PVT1: variants seen among roughly 807,000 people sequenced by gnomAD.
The protein encoded by PVT1 is CXCR4/PVT1 fusion.
intron 3 of PVT1, among the ~76,000 whole-genome samples, chr8:127,950,020 G>T (rs1338208098): frequency 6.6e-6 from 1 of 152,254 alleles, no homozygotes; most frequent in Non-Finnish European, 1.5e-5. Flanking sequence ...TGTGCCAGAG[G>T]ACGGGAGTTT....
At chr8:127,990,647 A>G (rs1427102815) in intron 4 of PVT1, among the ~76,000 whole-genome samples, 1 of 152,266 alleles carries the variant, frequency 6.6e-6, no homozygotes, top group Non-Finnish European at 1.5e-5. Context: ...AGAGCATAGC[A>G]GAGAACTGTA....
chr8:127,866,800 C>T (rs139750108), intron 2 of PVT1, among the ~76,000 whole-genome samples: 183 of 152,314 alleles, frequency 1.2e-3, no homozygotes, highest in Non-Finnish European at 2.2e-3. Flanking sequence ...AGATCTTGGG[C>T]TCCGAGACCT....
At chr8:127,974,701 C>T (rs932796094) in intron 3 of PVT1, among the ~76,000 whole-genome samples, 1 of 152,186 alleles carries the variant, frequency 6.6e-6, no homozygotes, top group Admixed American at 6.5e-5. Context: ...CAGGTGCGAG[C>T]CACTGCACCC....
At chr8:127,893,386 T>A (rs1369244527) in intron 3 of PVT1, among the ~76,000 whole-genome samples, 2 of 152,150 alleles carry the variant, frequency 1.3e-5, no homozygotes, top group South Asian at 4.1e-4. Context: ...AAGTGATTCT[T>A]GTGCGTCAGC....
At chr8:128,086,147 A>G (rs2130160051) in intron 5 of PVT1, among the ~76,000 whole-genome samples, 1 of 152,354 alleles carries the variant, frequency 6.6e-6, no homozygotes, top group South Asian at 2.1e-4. Context: ...CATCCCTAGT[A>G]ATAGTAATAG....
At chr8:128,070,946 A>G (rs1390183218) in intron 5 of PVT1, among the ~76,000 whole-genome samples, 4 of 152,238 alleles carry the variant, frequency 2.6e-5, no homozygotes, top group Non-Finnish European at 5.9e-5. Flanking sequence ...AGTCTTCTAC[A>G]TCAGAGTTCT....
chr8:128,077,484 T>C (rs2130144942), intron 5 of PVT1, among the ~76,000 whole-genome samples: 1 of 152,270 alleles, frequency 6.6e-6, no homozygotes, highest in East Asian at 1.9e-4. Flanking sequence ...TTTCCTGTTT[T>C]ATATGGAAAA....
intron 3 of PVT1, among the ~76,000 whole-genome samples, chr8:127,892,736 G>A (rs769614820): frequency 2.0e-5 from 3 of 152,144 alleles, no homozygotes; most frequent in Non-Finnish European, 2.9e-5. Context: ...GTGCTTGACT[G>A]TGGTCACGTA....
At chr8:127,848,080 T>G (rs1393413494) in intron 2 of PVT1, among the ~76,000 whole-genome samples, 2 of 152,170 alleles carry the variant, frequency 1.3e-5, no homozygotes, top group African/African-American at 4.8e-5. Context: ...GCTCAAACAT[T>G]GAGTATATTA....
intron 4 of PVT1, chr8:128,010,206 A>G (rs1267562278): frequency 6.6e-6 from 1 of 152,190 alleles, no homozygotes; most frequent in Non-Finnish European, 1.5e-5. Context: ...CAATGGTTTC[A>G]GTGACCATTA....
chr8:127,834,817 C>T (rs1032870792), intron 2 of PVT1, among the ~76,000 whole-genome samples: 1 of 151,912 alleles, frequency 6.6e-6, no homozygotes, highest in Non-Finnish European at 1.5e-5. Flanking sequence ...ATATGGCCAA[C>T]AAACAAATGA....
In PVT1 at chr8:128,075,739, G is replaced by A. The variant is rs74332716; in HGVS notation, n.1114+5378G>A. 1.7e-3 allele frequency among the ~76,000 whole-genome samples: 261 copies of A among 152,292 alleles called. 4 individuals carry two copies. The East Asian group carries it at 0.05, about 29-fold the overall frequency. ...TTTTCACTCAGCAATATATTGAGGA[G>A]TGCTATCCATGGTAGCCACTCTATT... is the stretch of plus-strand genomic sequence containing the variant. On this transcript the variant is annotated intron_variant and non_coding_transcript_variant, in intron 5 of 10. Coordinates refer to ENST00000651587, the Ensembl canonical transcript of PVT1.
At chr8:128,085,577 A>G (rs1193564181) in intron 5 of PVT1, among the ~76,000 whole-genome samples, 1 of 152,202 alleles carries the variant, frequency 6.6e-6, no homozygotes, top group Non-Finnish European at 1.5e-5. Flanking sequence ...TGTTTCAAGC[A>G]AAAGCAAGTT....
chr8:128,032,178 T>C (rs1025496589), intron 4 of PVT1, among the ~76,000 whole-genome samples: 4 of 152,166 alleles, frequency 2.6e-5, no homozygotes, highest in Non-Finnish European at 5.9e-5. Flanking sequence ...AGTCATTCGG[T>C]GGAGTCTGTG....
intron 3 of PVT1, among the ~76,000 whole-genome samples, chr8:127,926,989 C>G (rs1046100868): frequency 6.6e-6 from 1 of 152,186 alleles, no homozygotes; most frequent in Non-Finnish European, 1.5e-5. Context: ...TTCATTCCCC[C>G]GAACATCCTT....
chr8:127,924,666 C>G (rs2129873086), intron 3 of PVT1, among the ~76,000 whole-genome samples: 2 of 152,206 alleles, frequency 1.3e-5, no homozygotes, highest in Admixed American at 1.3e-4. Context: ...CGCCCACCAC[C>G]ACGCCCGACT....
intron 3 of PVT1, chr8:127,932,660 C>G (rs1270799062): frequency 5.0e-6 from 2 of 397,404 alleles, no homozygotes; most frequent in African/African-American, 4.1e-5. Context: ...CTTCAAGGCC[C>G]CTTCTTTCTT....
In PVT1 at chr8:128,002,807, C is replaced by G. The variant is rs144303758; in HGVS notation, n.912+13516C>G. ...TCTGGGAGTTAGGACTTCAACATAACACTTCTGGGGACACAGTTAAACCCA... is the reference window on the plus strand; with the variant it reads ...TCTGGGAGTTAGGACTTCAACATAAGACTTCTGGGGACACAGTTAAACCCA... On this transcript the variant is annotated intron_variant and non_coding_transcript_variant, in intron 4 of 10. Transcript: ENST00000651587. Among the ~76,000 whole-genome samples, 905 of 152,328 alleles carry G rather than the reference C, an allele frequency of 5.9e-3. 11 individuals carry two copies. The highest frequency in any genetic ancestry group is 0.021 in the African/African-American group (869 of 41,570).
intron 3 of PVT1, among the ~76,000 whole-genome samples, chr8:127,929,791 G>T (rs548013096): frequency 6.6e-6 from 1 of 152,260 alleles, no homozygotes; most frequent in South Asian, 2.1e-4. Context: ...AAGTGTCAAG[G>T]TCATGAGTGT....
Sources: gnomAD v4.1 joint callset for allele counts (sites outside exome capture counted in the v4.1 genomes callset) on GRCh38, gnomAD v4.1.1 for gene constraint, MANE v1.5 for transcripts, NCBI Gene and HGNC (gene_info 2026-07-23, HGNC 2026-07-21) for gene names.